Variants in PCDHGA4 observed in about 807,000 individuals in gnomAD.
PCDHGA4 encodes the protein protocadherin gamma-A4.
A neutral mutation model predicts 54.6 loss-of-function variants in PCDHGA4; 38 were observed. The ratio of observed to expected loss-of-function variants is 0.70; its 90% CI spans 0.54 to 0.91. The LOEUF is 0.91. Ranked by LOEUF, PCDHGA4 falls within the 40% of genes least tolerant of loss-of-function variation. PCDHGA4 has a pLI of 0.00. For synonymous variants in PCDHGA4, 511 were observed against 512.9 expected (o/e 1.00, Z 0.05); for missense variants, 1,298 against 1,220.9 (o/e 1.06, Z -0.94).
At chr5:141,462,984 T>G (rs1349170605) in intron 1 of PCDHGA4, among the ~76,000 whole-genome samples, 1 of 152,156 alleles carries the variant, frequency 6.6e-6, no homozygotes, top group African/African-American at 2.4e-5. Context: ...ACTTTTGCCT[T>G]GGGCTAATTT....
intron 1 of PCDHGA4, among the ~76,000 whole-genome samples, chr5:141,460,995 A>G (rs566978077): frequency 1.1e-4 from 17 of 150,188 alleles, no homozygotes; most frequent in South Asian, 2.1e-4. Flanking sequence ...ATATATATAT[A>G]TGTGTATATA....
chr5:141,384,094 G>C (rs1223052119), intron 1 of PCDHGA4: 4 of 1,596,266 alleles, frequency 2.5e-6, no homozygotes, highest in Non-Finnish European at 3.4e-6. Flanking sequence ...AAAATCAATA[G>C]ATAATTATTA....
chr5:141,466,197 G>A (rs2099118639), intron 1 of PCDHGA4, among the ~76,000 whole-genome samples: 1 of 151,666 alleles, frequency 6.6e-6, no homozygotes, highest in South Asian at 2.1e-4. Flanking sequence ...TTCAGACACA[G>A]CCTTGCTCTG....
intron 1 of PCDHGA4, chr5:141,422,201 G>T (rs764621323): frequency 1.9e-6 from 3 of 1,562,386 alleles, no homozygotes; most frequent in Admixed American, 2.0e-5. Flanking sequence ...GGCCAAGATG[G>T]TGGAGGTCTC....
chr5:141,365,660 G>A (rs752963380), intron 1 of PCDHGA4: 2 of 1,613,380 alleles, frequency 1.2e-6, no homozygotes, highest in Non-Finnish European at 1.7e-6. Context: ...GAAAGTAGCA[G>A]ACGTTAATGA....
At position 141,489,577 on chromosome 5, in the gene PCDHGA4, C is replaced by A. The variant is rs918238376; in HGVS notation, c.2515-5230C>A. The stretch of plus-strand genomic sequence containing the variant: ...GCCAGTGCAGGTGGTGACTGAACAC[C>A]CCCTGGAGCTAATCCGTGTAGAGGT... On this transcript the variant is annotated intron_variant, in intron 1 of 3. Coordinates refer to ENST00000571252, the MANE Select transcript of PCDHGA4 (RefSeq NM_018917.4). This position sits in a 1 kb window ranked among gnomAD's most constrained non-coding sequence, Gnocchi z 4.5. The A allele has an allele frequency of 6.2e-7, 1 of 1,613,894 alleles. No individual in the cohort carries two copies. The highest frequency in any genetic ancestry group is 8.5e-7 in the Non-Finnish European group (1 of 1,180,000).
At chr5:141,372,155 G>T in intron 1 of PCDHGA4, 1 of 1,613,796 alleles carries the variant, frequency 6.2e-7, no homozygotes, top group Non-Finnish European at 8.5e-7. Flanking sequence ...CTGGCTACCT[G>T]GTGACCAAGG....
chr5:141,371,455 A>G (rs1030277886), intron 1 of PCDHGA4: 3 of 1,613,904 alleles, frequency 1.9e-6, no homozygotes, highest in Non-Finnish European at 2.5e-6. Context: ...TCTGAATCCC[A>G]ACATATACAA....
chr5:141,362,994 C>T (rs1023697492), intron 1 of PCDHGA4, among the ~76,000 whole-genome samples: 12 of 152,350 alleles, frequency 7.9e-5, no homozygotes, highest in Admixed American at 3.9e-4. Context: ...AATGGCATGG[C>T]TTGTTAATCA....
chr5:141,362,232 C>G, intron 1 of PCDHGA4: 4 of 1,614,034 alleles, frequency 2.5e-6, no homozygotes, highest in Non-Finnish European at 3.4e-6. Flanking sequence ...TGGCCTTGAT[C>G]TCAGTGCTCT....
rs534816363 is a variant in PCDHGA4, at chr5:141,456,234, G to T, written c.2515-38573G>T. Among the ~76,000 whole-genome samples the T allele has an allele frequency of 2.2e-4, 33 of 152,224 alleles. 1 individual carries two copies. The South Asian group carries it at 6.9e-3, about 32-fold the overall frequency. On this transcript the variant is annotated intron_variant, in intron 1 of 3. Transcript: ENST00000571252. ...CTGTGGCGATATCAAACTAACTGCT[G>T]TTAGGAGGCTTTGGGCGACCATTGC...
chr5:141,366,806 TC>T, intron 1 of PCDHGA4: 1 of 1,560,888 alleles, frequency 6.4e-7, no homozygotes, highest in Admixed American at 1.9e-5. Flanking sequence ...GTTTCCTTTT[TC>T]ATGTTTCTGT....
rs756476818 is a variant in PCDHGA4 at position 141,431,027 on chromosome 5, A to G, written c.2515-63780A>G. The G allele has an allele frequency of 6.2e-6, 10 of 1,614,034 alleles. No homozygotes were observed. The highest frequency in any genetic ancestry group is 1.1e-5 in the South Asian group (1 of 91,078). On this transcript the variant is annotated intron_variant, in intron 1 of 3. Coordinates refer to ENST00000571252, the MANE Select transcript of PCDHGA4 (RefSeq NM_018917.4). This position sits in a 1 kb window ranked among gnomAD's most constrained non-coding sequence, Gnocchi z 4.8. ...CGGCAGCTTGGTCACGGCGGGCAGG[A>G]TAGACCGGGAGGAGCTCTGTATGGG...
intron 1 of PCDHGA4, among the ~76,000 whole-genome samples, chr5:141,363,429 T>C (rs1762921344): frequency 6.6e-6 from 1 of 152,248 alleles, no homozygotes; most frequent in East Asian, 1.9e-4. Flanking sequence ...TGTCTCAACA[T>C]AGAAAGGTCA....
In PCDHGA4 at chr5:141,485,340, C is replaced by T. The variant is rs139641513; in HGVS notation, c.2515-9467C>T. ...GTCGCTCAAGATTTCCTGCTGGATA[C>T]GGACAGTCTGTCAGCTCGCAGGCTG... is the stretch of plus-strand genomic sequence containing the variant. On this transcript the variant is annotated intron_variant, in intron 1 of 3. Coordinates refer to ENST00000571252, the MANE Select transcript of PCDHGA4 (RefSeq NM_018917.4). This position sits in a 1 kb window ranked among gnomAD's most constrained non-coding sequence, Gnocchi z 5.7. 1.2e-6 allele frequency: 2 copies of T among 1,613,958 alleles called. No individual in the cohort carries two copies. Among genetic ancestry groups the T allele is most frequent in the East Asian group, 2.2e-5 (1 of 44,884 alleles).
chr5:141,435,718 G>T (rs2097776232), intron 1 of PCDHGA4, among the ~76,000 whole-genome samples: 1 of 152,150 alleles, frequency 6.6e-6, no homozygotes, highest in African/African-American at 2.4e-5. Context: ...GACACTGAAT[G>T]CTAAAGTGTA....
rs138463062 is a variant in PCDHGA4 at position 141,485,217 on chromosome 5, C to G, written c.2515-9590C>G. 6.8e-6 allele frequency: 11 copies of G among 1,613,996 alleles called. No individual in the cohort carries two copies. Among genetic ancestry groups the G allele is most frequent in the Non-Finnish European group, 9.3e-6 (11 of 1,179,978 alleles). ...AGCTGGACAGAAATCTGGCGGTGGGCTACCCTTTTGTTCCTCTTTTACCAC... is the reference window on the plus strand; with the variant it reads ...AGCTGGACAGAAATCTGGCGGTGGGGTACCCTTTTGTTCCTCTTTTACCAC... On this transcript the variant is annotated intron_variant, in intron 1 of 3. Coordinates refer to ENST00000571252, the MANE Select transcript of PCDHGA4 (RefSeq NM_018917.4). This position sits in a 1 kb window ranked among gnomAD's most constrained non-coding sequence, Gnocchi z 5.7.
intron 1 of PCDHGA4, chr5:141,403,131 C>T: frequency 5.6e-6 from 9 of 1,614,034 alleles, no homozygotes; most frequent in Non-Finnish European, 6.8e-6. Context: ...CGGGAGCTGG[C>T]GGAGCGCCGA....
chr5:141,490,042 G>C lies in PCDHGA4; in HGVS notation c.2515-4765G>C. 1 of 1,614,266 alleles carries C rather than the reference G, an allele frequency of 6.2e-7. No individual in the cohort carries two copies. Among genetic ancestry groups the C allele is most frequent in the Non-Finnish European group, 8.5e-7 (1 of 1,180,038 alleles). The stretch of plus-strand genomic sequence containing the variant: ...TCTGCTGCTCCGCCTCAATGCCACT[G>C]ATCCAGACGAGGGCACCAACGGCCA... On this transcript the variant is annotated intron_variant, in intron 1 of 3. Coordinates refer to ENST00000571252, the MANE Select transcript of PCDHGA4 (RefSeq NM_018917.4). This position sits in a 1 kb window ranked among gnomAD's most constrained non-coding sequence, Gnocchi z 5.4.
Sources: gnomAD v4.1 joint callset for allele counts (sites outside exome capture counted in the v4.1 genomes callset) on GRCh38, gnomAD v4.1.1 for gene constraint, Gnocchi (gnomAD v3.1) non-coding constraint, MANE v1.5 for transcripts, NCBI Gene and HGNC (gene_info 2026-07-23, HGNC 2026-07-21) for gene names.